CLIC5: variants seen among roughly 807,000 people sequenced by gnomAD.
CLIC5 encodes chloride intracellular channel protein 5.
In CLIC5, 20 loss-of-function variants were observed where a neutral mutation model predicts 24.7. The ratio of observed to expected loss-of-function variants is 0.81; its 90% CI spans 0.57 to 1.18. The LOEUF (loss-of-function observed/expected upper bound fraction) is 1.18, where lower values mean the gene tolerates loss of function less well. CLIC5 is among the 50% of genes most tolerant of loss of function. The pLI is 0.00. For synonymous variants in CLIC5, 159 were observed against 135.6 expected (o/e 1.17, Z -1.20); for missense variants, 341 against 326.1 (o/e 1.05, Z -0.35).
intron 5 of CLIC5, among the ~76,000 whole-genome samples, chr6:45,903,562 T>A (rs904985593): frequency 1.3e-5 from 2 of 152,226 alleles, no homozygotes; most frequent in African/African-American, 4.8e-5. Flanking sequence ...AGAGCTATTT[T>A]GAATAACAAA....
intron 1 of CLIC5, among the ~76,000 whole-genome samples, chr6:45,967,154 G>C (rs545107613): frequency 6.6e-6 from 1 of 152,340 alleles, no homozygotes; most frequent in African/African-American, 2.4e-5. Context: ...TGGCTGCGTG[G>C]AGTACCAGCA....
intron 5 of CLIC5, among the ~76,000 whole-genome samples, chr6:45,910,294 CA>C (rs1762780149): frequency 6.6e-6 from 1 of 152,074 alleles, no homozygotes; most frequent in South Asian, 2.1e-4. Context: ...AAGTACTTTG[CA>C]AGGTACTTAA....
chr6:46,124,463 C>G, the CLIC5 span, among the ~76,000 whole-genome samples: 4 of 152,178 alleles, frequency 2.6e-5, no homozygotes, highest in African/African-American at 9.7e-5. Context: ...GTCCTAAAAC[C>G]ATTGAAACCC....
chr6:45,974,520 TATAGAGAGAGAGAG>T lies in CLIC5; in HGVS notation c.64-19290_64-19277del, dbSNP rs1280873198. ...GTGTATATATATATATATATATATA[TATAGAGAGAGAGAG>T]AGAGAGAGAGAGAGAGAGAGAGAGA... On this transcript the variant is annotated intron_variant, in intron 1 of 5. Coordinates refer to ENST00000339561, the MANE Select transcript of CLIC5 (RefSeq NM_016929.5). Among the ~76,000 whole-genome samples the T allele has an allele frequency of 7.6e-3, 507 of 66,922 alleles. 2 individuals are homozygous for T. Among genetic ancestry groups the T allele is most frequent in the Middle Eastern group, 0.03 (4 of 132 alleles). 43.9% of individuals were successfully genotyped at this position (66,922 alleles called of 152,430 possible). A position where few individuals can be genotyped will look rare whatever the true frequency, so the allele number is the denominator to read the frequency against.
chr6:45,976,417 T>C (rs931040161), intron 1 of CLIC5, among the ~76,000 whole-genome samples: 1 of 152,168 alleles, frequency 6.6e-6, no homozygotes, highest in African/African-American at 2.4e-5. Context: ...TCCAGGACTT[T>C]CAGGATTTAA....
chr6:46,003,083 T>C (rs1196979621), intron 1 of CLIC5, among the ~76,000 whole-genome samples: 1 of 152,180 alleles, frequency 6.6e-6, no homozygotes, highest in Non-Finnish European at 1.5e-5. Context: ...TGGGACTCAG[T>C]CTGACCTTCA....
At chr6:45,996,281 T>C (rs1766135821) in intron 1 of CLIC5, among the ~76,000 whole-genome samples, 1 of 152,162 alleles carries the variant, frequency 6.6e-6, no homozygotes, top group South Asian at 2.1e-4. Flanking sequence ...AAAAATTTTC[T>C]CCCATTTTGT....
downstream of CLIC5, among the ~76,000 whole-genome samples, chr6:45,896,077 G>T (rs1762390491): frequency 6.6e-6 from 1 of 152,088 alleles, no homozygotes; most frequent in African/African-American, 2.4e-5. Context: ...CCAATTGCAG[G>T]GCCTCAGGGT....
At chr6:45,986,887 T>A (rs1351724433) in intron 1 of CLIC5, among the ~76,000 whole-genome samples, 1 of 152,076 alleles carries the variant, frequency 6.6e-6, no homozygotes. Context: ...CTTAAAGGAG[T>A]CTTGTGCAGG....
At chr6:45,942,426 G>C (rs1764165767) in intron 3 of CLIC5, among the ~76,000 whole-genome samples, 1 of 152,038 alleles carries the variant, frequency 6.6e-6, no homozygotes, top group Non-Finnish European at 1.5e-5. Flanking sequence ...GGGAACCCAG[G>C]GCTTGGACTC....
chr6:46,115,763 T>C, the CLIC5 span, among the ~76,000 whole-genome samples: 1 of 152,234 alleles, frequency 6.6e-6, no homozygotes, highest in African/African-American at 2.4e-5. Context: ...GCAGGAAAGA[T>C]ATTTACATGT....
chr6:46,128,293 C>G, the CLIC5 span, among the ~76,000 whole-genome samples: 1 of 152,204 alleles, frequency 6.6e-6, no homozygotes, highest in African/African-American at 2.4e-5. Flanking sequence ...TGATGCCCAT[C>G]CAGCTGCTAT....
chr6:45,914,082 G>A (rs1762920608), intron 5 of CLIC5, 146 bp downstream of exon 5: 1 of 555,618 alleles, frequency 1.8e-6, no homozygotes, highest in Non-Finnish European at 2.8e-6. Context: ...ACAAGCAGCA[G>A]AGGGTGACCT....
At chr6:45,890,651 A>G (rs1036141172) in intron 6 of CLIC5, among the ~76,000 whole-genome samples, 1 of 152,210 alleles carries the variant, frequency 6.6e-6, no homozygotes, top group East Asian at 1.9e-4. Context: ...CAAGATATGG[A>G]AACAACCTAA....
At chr6:46,012,648 T>G (rs1766847396) in intron 1 of CLIC5, among the ~76,000 whole-genome samples, 1 of 152,216 alleles carries the variant, frequency 6.6e-6, no homozygotes, top group South Asian at 2.1e-4. Context: ...AAATTCAAAG[T>G]CTAAACTGCT....
At position 46,036,546 on chromosome 6, in the gene CLIC5, G is replaced by C. The variant is rs558192653; in HGVS notation, c.540+43157C>G. On this transcript the variant is annotated intron_variant, in intron 1 of 5. Transcript: ENST00000185206. ...AGAATGGTCTCCTTCTCCTGACCTC[G>C]TGTTCCGCCTGCCTCGGCCTCCCAA... is the stretch of plus-strand genomic sequence containing the variant. Among the ~76,000 whole-genome samples, 323 of 152,186 alleles carry C rather than the reference G, an allele frequency of 2.1e-3. 3 individuals carry two copies. Among genetic ancestry groups the C allele is most frequent in the African/African-American group, 7.3e-3 (304 of 41,534 alleles).
At chr6:46,063,952 A>G (rs1762364389) in intron 1 of CLIC5, among the ~76,000 whole-genome samples, 1 of 152,248 alleles carries the variant, frequency 6.6e-6, no homozygotes. Flanking sequence ...AAAATCCAGT[A>G]TACAACAACA....
chr6:45,997,733 C>T (rs1230117432), intron 1 of CLIC5, among the ~76,000 whole-genome samples: 1 of 152,208 alleles, frequency 6.6e-6, no homozygotes, highest in East Asian at 1.9e-4. Context: ...GAACCAATTT[C>T]CTGCCAGATC....
rs564496164 is a variant in CLIC5, at chr6:45,981,302, C to T, written c.64-26058G>A. On this transcript the variant is annotated intron_variant, in intron 1 of 5. Transcript: ENST00000339561. ...TGTCTTATTGCTATTTCATTTTACA[C>T]GTGCTTACTAGATGAGTAGTATCTA... is the stretch of plus-strand genomic sequence containing the variant. 3.9e-5 allele frequency among the ~76,000 whole-genome samples: 6 copies of T among 151,932 alleles called. No homozygotes were observed. The South Asian group carries it at 6.3e-4, about 16-fold the overall frequency.
Sources: allele counts gnomAD v4.1 joint callset (sites outside exome capture counted in the v4.1 genomes callset), GRCh38; gene constraint gnomAD v4.1.1; transcripts MANE v1.5; gene names NCBI Gene and HGNC (gene_info 2026-07-23, HGNC 2026-07-21).